TAFA4: variants seen among roughly 807,000 people sequenced by gnomAD.
TAFA4 encodes chemokine-like protein TAFA-4.
In TAFA4, 20 loss-of-function variants were observed where a neutral mutation model predicts 21.1. That is an observed-to-expected ratio of 0.95 (90% CI 0.67 to 1.38). The LOEUF is 1.38. Ranked by LOEUF, TAFA4 falls within the 40% of genes most tolerant of loss-of-function variation. The probability of loss-of-function intolerance (pLI) is 0.00; values close to 1 mark genes in which losing one functional copy is unlikely to be tolerated. For synonymous variants in TAFA4, 71 were observed against 67.4 expected (o/e 1.05, Z -0.26); for missense variants, 211 against 180.9 (o/e 1.17, Z -0.95).
At chr3:68,826,333 G>C (rs1704234902) in intron 3 of TAFA4, among the ~76,000 whole-genome samples, 1 of 152,156 alleles carries the variant, frequency 6.6e-6, no homozygotes, top group African/African-American at 2.4e-5. Context: ...CAACACTTTG[G>C]GAGGCCGAGG....
At chr3:68,876,186 G>T (rs1009801918) in intron 3 of TAFA4, among the ~76,000 whole-genome samples, 8 of 152,112 alleles carry the variant, frequency 5.3e-5, no homozygotes, top group African/African-American at 1.9e-4. Flanking sequence ...TGAATATATT[G>T]GGTTAAATAA....
In TAFA4 at chr3:68,901,214, C is replaced by T. The variant is rs375100150; in HGVS notation, c.-122-15904G>A. 4.4e-4 allele frequency among the ~76,000 whole-genome samples: 67 copies of T among 152,170 alleles called. 1 individual carries two copies. The highest frequency in any genetic ancestry group is 1.2e-3 in the Admixed American group (19 of 15,274). ...AGAAATAAGACTAGAAGAGGATGAT[C>T]CAGGTCCCTGAAGGTCATTCTATTT... is the stretch of plus-strand genomic sequence containing the variant. On this transcript the variant is annotated intron_variant, in intron 1 of 5. Transcript: ENST00000295569.
intron 4 of TAFA4, among the ~76,000 whole-genome samples, chr3:68,746,005 C>A (rs1702449847): frequency 6.6e-6 from 1 of 152,136 alleles, no homozygotes; most frequent in Non-Finnish European, 1.5e-5. Context: ...TGGGCACTAT[C>A]TAATCACCTG....
chr3:68,735,392 A>T (rs1418803064), intron 5 of TAFA4, among the ~76,000 whole-genome samples: 2 of 152,128 alleles, frequency 1.3e-5, no homozygotes, highest in African/African-American at 4.8e-5. Flanking sequence ...GGTATAAGCC[A>T]ATTAAAGGTG....
chr3:68,808,328 C>A (rs921409465), intron 3 of TAFA4, among the ~76,000 whole-genome samples: 2 of 152,176 alleles, frequency 1.3e-5, no homozygotes, highest in African/African-American at 4.8e-5. Flanking sequence ...CATCCTTTGT[C>A]TCCTGTCTCA....
intron 1 of TAFA4, among the ~76,000 whole-genome samples, chr3:68,917,529 C>T (rs570682992): frequency 1.3e-4 from 19 of 151,756 alleles, no homozygotes; most frequent in Non-Finnish European, 2.4e-4. Context: ...CCGAGGCAGG[C>T]AGATCACGAG....
At chr3:68,889,872 A>G (rs1281894885) in intron 1 of TAFA4, among the ~76,000 whole-genome samples, 1 of 152,218 alleles carries the variant, frequency 6.6e-6, no homozygotes, top group African/African-American at 2.4e-5. Flanking sequence ...TGGATCTTGG[A>G]CCAGGAAAAA....
At chr3:68,790,795 AC>A (rs1314046484) in intron 3 of TAFA4, among the ~76,000 whole-genome samples, 1 of 152,006 alleles carries the variant, frequency 6.6e-6, no homozygotes, top group Non-Finnish European at 1.5e-5. Flanking sequence ...CTTTTGTACC[AC>A]CCTTAGCACT....
intron 3 of TAFA4, among the ~76,000 whole-genome samples, chr3:68,824,667 A>G (rs1030826126): frequency 6.6e-6 from 1 of 152,146 alleles, no homozygotes; most frequent in Non-Finnish European, 1.5e-5. Context: ...TGCCTACCAC[A>G]CACTAAATAC....
At chr3:68,772,454 GCAAAA>G (rs1425552476) in intron 3 of TAFA4, among the ~76,000 whole-genome samples, 1 of 152,102 alleles carries the variant, frequency 6.6e-6, no homozygotes, top group Non-Finnish European at 1.5e-5. Context: ...GAACAAAAAG[GCAAAA>G]GAAAGGTGAA....
At chr3:68,815,675 A>G (rs1444277163) in intron 3 of TAFA4, among the ~76,000 whole-genome samples, 1 of 152,220 alleles carries the variant, frequency 6.6e-6, no homozygotes, top group Non-Finnish European at 1.5e-5. Flanking sequence ...CAGGTGCTGG[A>G]GAGGATGTGG....
At chr3:68,852,626 A>G (rs7631919) in intron 3 of TAFA4, among the ~76,000 whole-genome samples, 66,628 of 151,928 alleles carry the variant, frequency 0.44, 15,035 homozygotes, top group African/African-American at 0.49. Context: ...CAAAACCCCA[A>G]TTAAAACTTT....
chr3:68,877,176 T>A (rs2089559255), intron 3 of TAFA4, among the ~76,000 whole-genome samples: 1 of 151,954 alleles, frequency 6.6e-6, no homozygotes, highest in Non-Finnish European at 1.5e-5. Flanking sequence ...CTGGATAACA[T>A]GGGGAAAGCC....
At chr3:68,769,389 AAATGTAATGTGCTT>A (rs772986395) in intron 3 of TAFA4, among the ~76,000 whole-genome samples, 2 of 152,188 alleles carry the variant, frequency 1.3e-5, no homozygotes, top group Non-Finnish European at 2.9e-5. Context: ...AGTGCACAAT[AAATGTAATGTGCTT>A]CAGGCATTCC....
chr3:68,926,887 G>C (rs987157385), intron 1 of TAFA4, among the ~76,000 whole-genome samples: 9 of 152,012 alleles, frequency 5.9e-5, no homozygotes, highest in East Asian at 1.9e-4. Flanking sequence ...CTCCAGCCTG[G>C]GTGACAGAGC....
intron 2 of TAFA4, among the ~76,000 whole-genome samples, chr3:68,883,788 C>T (rs1207951730): frequency 6.6e-6 from 1 of 152,004 alleles, no homozygotes; most frequent in African/African-American, 2.4e-5. Flanking sequence ...AATGATCTGG[C>T]CATGCATGGT....
intron 4 of TAFA4, among the ~76,000 whole-genome samples, chr3:68,752,093 A>ATG (rs528430979): frequency 2.6e-5 from 4 of 152,144 alleles, no homozygotes; most frequent in Non-Finnish European, 5.9e-5. Flanking sequence ...GGAGTTAAGA[A>ATG]TGTGTGTGTG....
intron 3 of TAFA4, among the ~76,000 whole-genome samples, chr3:68,808,848 T>C (rs11915435): frequency 0.086 from 13,115 of 152,260 alleles, 685 homozygotes; most frequent in African/African-American, 0.14. Context: ...AAATGAGCCA[T>C]GTTTCTGGCT....
At chr3:68,882,601 T>C (rs2089631047) in intron 2 of TAFA4, among the ~76,000 whole-genome samples, 1 of 152,174 alleles carries the variant, frequency 6.6e-6, no homozygotes, top group South Asian at 2.1e-4. Context: ...TTGTAACAAA[T>C]AGATTGATAG....
Sources: gnomAD v4.1 joint callset for allele counts (sites outside exome capture counted in the v4.1 genomes callset) on GRCh38, gnomAD v4.1.1 for gene constraint, MANE v1.5 for transcripts, NCBI Gene and HGNC (gene_info 2026-07-23, HGNC 2026-07-21) for gene names.